The following CCDC39 variants were observed in gnomAD, a reference collection of about 807,000 sequenced individuals.
CCDC39 encodes coiled-coil domain 39 molecular ruler complex subunit, also known as coiled-coil domain-containing protein 39.
CCDC39 carries 113 observed loss-of-function variants against 121.0 expected under a neutral mutation model. The ratio of observed to expected loss-of-function variants is 0.93; its 90% CI spans 0.80 to 1.09. The LOEUF (loss-of-function observed/expected upper bound fraction) is 1.09, where lower values mean the gene tolerates loss of function less well. CCDC39 is among the 50% of genes least tolerant of loss of function. CCDC39 has a pLI of 0.00. For missense variants in CCDC39, 1,063 were observed against 1,074.7 expected, an observed-to-expected ratio of 0.99 and a Z score of 0.15; for synonymous variants, 349 against 352.2, an observed-to-expected ratio of 0.99 and a Z score of 0.10.
At chr3:180,652,036 C>CA (rs1186875684) in intron 8 of CCDC39, 127 bp downstream of exon 8, 21,187 of 456,684 alleles carry the variant, frequency 0.046, 1 homozygote, top group East Asian at 0.059. Flanking sequence ...GACTCCCTCT[C>CA]AAAAAAAAAA....
At position 180,616,704 on chromosome 3, in the gene CCDC39, AAAT is replaced by A; in HGVS notation, c.2407-12_2407-10del. ...TTTGTGAGTTTTGCACACTGTTGGT[AAAT>A]AATAGTCAATTATTCTATAAACGTG... On this transcript the variant is annotated splice_polypyrimidine_tract_variant and intron_variant, in intron 17 of 19. Coordinates refer to ENST00000476379, the MANE Select transcript of CCDC39 (RefSeq NM_181426.2). The A allele has an allele frequency of 1.5e-5, 23 of 1,583,068 alleles. No homozygotes were observed. The highest frequency in any genetic ancestry group is 2.0e-5 in the Non-Finnish European group (23 of 1,162,898).
At chr3:180,656,899 C>T (rs1711592619) in intron 6 of CCDC39, among the ~76,000 whole-genome samples, 2 of 152,154 alleles carry the variant, frequency 1.3e-5, no homozygotes, top group South Asian at 2.1e-4. Flanking sequence ...AAGGGGGAGG[C>T]ATGAATAATC....
intron 1 of CCDC39, among the ~76,000 whole-genome samples, chr3:180,665,816 C>T (rs1278755821): frequency 7.9e-5 from 12 of 150,990 alleles, no homozygotes; most frequent in African/African-American, 1.7e-4. Flanking sequence ...GTATTTAATA[C>T]GGAGGATCAT....
chr3:180,642,961 A>AT (rs1717991102), intron 12 of CCDC39, among the ~76,000 whole-genome samples: 1 of 146,842 alleles, frequency 6.8e-6, no homozygotes. Context: ...TGACAGAGAT[A>AT]ATTTTTTTTT....
chr3:180,622,988 A>G (rs369124128), intron 14 of CCDC39, among the ~76,000 whole-genome samples: 3 of 151,944 alleles, frequency 2.0e-5, no homozygotes, highest in Admixed American at 1.3e-4. Context: ...CAGTTTCAGG[A>G]GGATTTGTAT....
Position 180,644,138 on chromosome 3 carries a change from T to G in CCDC39, c.1647A>C (p.Lys549Asn). 2 of 1,545,610 alleles carry G rather than the reference T, an allele frequency of 1.3e-6. No individual in the cohort carries two copies. Among genetic ancestry groups the G allele is most frequent in the Non-Finnish European group, 1.7e-6 (2 of 1,144,784 alleles). The change falls in exon 12 of 20, where the codon AAA (lysine) becomes AAC (asparagine). Residue 549 changes from lysine (K) to asparagine (N), a missense_variant. Transcript: ENST00000476379. Reference protein sequence around the residue: ...FIDRSEKELDKAKGFKQDLMI... With the variant: ...FIDRSEKELDNAKGFKQDLMI... ...ACTGCACCTGCTTAAAACCTTTGGC[T>G]TTATCAAGTTCTTTCTCTGATCTGT...
chr3:180,661,557 T>TA (rs1237205486), intron 3 of CCDC39, among the ~76,000 whole-genome samples: 10 of 152,224 alleles, frequency 6.6e-5, no homozygotes, highest in African/African-American at 1.9e-4. Flanking sequence ...ATGTGGCTGT[T>TA]AAAAATCTAA....
chr3:180,614,975 T>C lies in CCDC39; in HGVS notation c.2772A>G (p.Pro924=). 6.4e-7 allele frequency: 1 copy of C among 1,566,892 alleles called. No homozygotes were observed. The highest frequency in any genetic ancestry group is 8.7e-7 in the Non-Finnish European group (1 of 1,153,706). ...TACTAGAGCTACTACTAGCACTAGA[T>C]GGCCTAGAAGGGCTGCCTACTAGTG... is the stretch of plus-strand genomic sequence containing the variant. ...SSSLVGSPSR[P]SSASSSSSNV... is the part of the protein sequence containing the mutation. The change falls in exon 20 of 20, where the codon CCA becomes CCG. Residue 924 remains proline (P), a synonymous_variant. Coordinates refer to ENST00000476379, the MANE Select transcript of CCDC39 (RefSeq NM_181426.2).
At chr3:180,627,629 C>T (rs1005233967) in intron 14 of CCDC39, among the ~76,000 whole-genome samples, 2 of 152,094 alleles carry the variant, frequency 1.3e-5, no homozygotes, top group African/African-American at 4.8e-5. Context: ...CTTATAAAGA[C>T]TAAGAGGAAC....
Position 180,660,653 on chromosome 3 carries a change from C to A in CCDC39, c.433G>T (p.Ala145Ser), listed in dbSNP as rs760987849. 2 of 1,603,362 alleles carry A rather than the reference C, an allele frequency of 1.2e-6. No homozygotes were observed. Among genetic ancestry groups the A allele is most frequent in the South Asian group, 1.1e-5 (1 of 89,084 alleles). Residue 145 changes from alanine to serine, a missense_variant, in exon 4 of 20, where the codon GCC becomes TCC. Physicochemically the swap from Ala to Ser is moderately conservative, Grantham distance 99. Transcript: ENST00000476379. Reference protein sequence around the residue: ...QMNWDQQALEAWLEESAHKDS... With the variant: ...QMNWDQQALESWLEESAHKDS... ...TTATGAGCTGATTCTTCTAACCAGG[C>A]CTCCAATGCTTGCTGGTCCCAGTTC...
intron 1 of CCDC39, among the ~76,000 whole-genome samples, chr3:180,677,607 A>G (rs574842030): frequency 2.6e-5 from 4 of 152,250 alleles, no homozygotes; most frequent in Admixed American, 2.6e-4. Flanking sequence ...TTTAGCAATC[A>G]GCACCTCTTG....
Position 180,679,438 on chromosome 3 carries a change from G to A in CCDC39, c.-58C>T, listed in dbSNP as rs1712332364. 4 of 1,512,810 alleles carry A rather than the reference G, an allele frequency of 2.6e-6. No homozygotes were observed. The highest frequency in any genetic ancestry group is 1.1e-5 in the South Asian group (1 of 89,190). The allele number at this position is 1,512,810 out of a possible 1,614,324, so 93.7% of individuals were successfully genotyped here. A position where few individuals can be genotyped will look rare whatever the true frequency, so the allele number is the denominator to read the frequency against. On this transcript the variant is annotated 5_prime_UTR_variant, in exon 1 of 20. Transcript: ENST00000476379. The surrounding 1 kb of genome is among the most constrained non-coding windows in gnomAD (Gnocchi z 4.0). ...AGATCCGCCTTCTTGTACAGCGGGT[G>A]AGCAGCACCCGCGTCAAGCCCAGGC... is the stretch of plus-strand genomic sequence containing the variant.
intron 1 of CCDC39, among the ~76,000 whole-genome samples, chr3:180,675,903 C>A: frequency 7.1e-6 from 1 of 140,652 alleles, no homozygotes; most frequent in South Asian, 2.2e-4. Flanking sequence ...GAAGGGATTC[C>A]CTATTTAATA....
chr3:180,667,916 A>C (rs12496770), intron 1 of CCDC39, among the ~76,000 whole-genome samples: 40,074 of 152,064 alleles, frequency 0.26, 6,269 homozygotes, highest in African/African-American at 0.42. Context: ...TTATTGCTGA[A>C]ATGGAAAAAG....
In CCDC39 at chr3:180,659,550, G is replaced by A. The variant is rs749794148; in HGVS notation, c.640C>T (p.Arg214Cys). 21 of 1,612,846 alleles carry A rather than the reference G, an allele frequency of 1.3e-5. No individual in the cohort carries two copies. The highest frequency in any genetic ancestry group is 1.6e-4 in the Middle Eastern group (1 of 6,074). ...TCTTGTCTTTCATTATGAATCTTAC[G>A]AAAATCTTGTGCTGCTTTATCCAAT... is the stretch of plus-strand genomic sequence containing the variant. ...LELDKAAQDF[R>C]KIHNERQELI... Residue 214 changes from arginine (R) to cysteine (C), a missense_variant, in exon 6 of 20, where the codon CGT becomes TGT. Transcript: ENST00000476379.
In CCDC39 at chr3:180,619,881, T is replaced by C; in HGVS notation, c.2088A>G (p.Glu696=). 1 of 1,610,916 alleles carries C rather than the reference T, an allele frequency of 6.2e-7. No individual in the cohort carries two copies. Among genetic ancestry groups the C allele is most frequent in the Non-Finnish European group, 8.5e-7 (1 of 1,178,594 alleles). Residue 696 remains glutamate (E), a synonymous_variant, in exon 15 of 20, where the codon GAA becomes GAG. Transcript: ENST00000476379. ...NKAEKEIYAL[E]NTLQVLNSCN... Reference sequence around the variant, plus strand: ...AGCTGTTCAGCACTTGAAGGGTATTTTCTAGAGCGTAGATTTCTTTTTCAG... The same window carrying C: ...AGCTGTTCAGCACTTGAAGGGTATTCTCTAGAGCGTAGATTTCTTTTTCAG...
At chr3:180,660,847 C>T (rs1302862194) in intron 3 of CCDC39, 119 bp from the exon 4 acceptor site, 1 of 734,982 alleles carries the variant, frequency 1.4e-6, no homozygotes, top group Non-Finnish European at 2.1e-6. Context: ...AAATCCTGTC[C>T]CTGCCTTCCA....
At chr3:180,622,746 A>T (rs1344817989) in intron 14 of CCDC39, among the ~76,000 whole-genome samples, 1 of 152,086 alleles carries the variant, frequency 6.6e-6, no homozygotes, top group Non-Finnish European at 1.5e-5. Flanking sequence ...CCATCCTTTC[A>T]TCCCTGGCAT....
rs771958857 is a variant in CCDC39, at chr3:180,659,524, T to C, written c.666A>G (p.Glu222=). 2.5e-6 allele frequency: 4 copies of C among 1,613,408 alleles called. No homozygotes were observed. The highest frequency in any genetic ancestry group is 3.4e-6 in the Non-Finnish European group (4 of 1,179,608). Residue 222 remains glutamate (E), a synonymous_variant, in exon 6 of 20, where the codon GAA becomes GAG. Transcript: ENST00000476379. The stretch of plus-strand genomic sequence containing the variant: ...TTGTGTTCTCCCATTGTTTAATGAG[T>C]TCTTGTCTTTCATTATGAATCTTAC... ...DFRKIHNERQ[E]LIKQWENTIE... is the part of the protein sequence containing the mutation.
Sources: allele counts gnomAD v4.1 joint callset (sites outside exome capture counted in the v4.1 genomes callset), GRCh38; gene constraint gnomAD v4.1.1; non-coding constraint Gnocchi (gnomAD v3.1); transcripts MANE v1.5; gene names NCBI Gene and HGNC (gene_info 2026-07-23, HGNC 2026-07-21).